PSMF1: variants seen among roughly 807,000 people sequenced by gnomAD.
The protein encoded by PSMF1 is proteasome inhibitor subunit 1.
A neutral mutation model predicts 29.3 loss-of-function variants in PSMF1; 30 were observed. The ratio of observed to expected loss-of-function variants is 1.02; its 90% CI spans 0.77 to 1.39. PSMF1 has a LOEUF of 1.39. Among genes scored for constraint, PSMF1 ranks in the 40% most tolerant of loss-of-function variants. The probability of loss-of-function intolerance (pLI) is 0.00; values close to 1 mark genes in which losing one functional copy is unlikely to be tolerated. For missense variants in PSMF1, 344 were observed against 357.5 expected, an observed-to-expected ratio of 0.96 and a Z score of 0.31; for synonymous variants, 134 against 139.7, an observed-to-expected ratio of 0.96 and a Z score of 0.29.
Position 1,164,629 on chromosome 20 carries a change from G to A in PSMF1, c.764+153G>A. 1.7e-6 allele frequency: 1 copy of A among 587,052 alleles called. No individual in the cohort carries two copies. Among genetic ancestry groups the A allele is most frequent in the East Asian group, 1.4e-4 (1 of 6,970 alleles). 36.4% of individuals were successfully genotyped at this position (587,052 alleles called of 1,614,324 possible). A position where few individuals can be genotyped will look rare whatever the true frequency, so the allele number is the denominator to read the frequency against. On this transcript the variant is annotated intron_variant, in intron 6 of 6. Transcript: ENST00000335877. The surrounding 1 kb of genome is among the most constrained non-coding windows in gnomAD (Gnocchi z 4.1). ...TGGAGCCTCCTCCAGGGCCCTGCCT[G>A]ATTTCTCCCTGGAGCCTTCTAGGAG...
intron 2 of PSMF1, chr20:1,126,053 A>G: frequency 2.3e-6 from 1 of 430,594 alleles, no homozygotes; most frequent in Non-Finnish European, 4.6e-6. Context: ...TGCCACTCAC[A>G]CAGCCCTTCA....
At chr20:1,137,928 G>C (rs1316158172) in intron 4 of PSMF1, among the ~76,000 whole-genome samples, 1 of 152,196 alleles carries the variant, frequency 6.6e-6, no homozygotes, top group African/African-American at 2.4e-5. Flanking sequence ...AAAAGAGTAA[G>C]GTGTTGGGGA....
rs1160695118 is a variant in PSMF1 at position 1,171,332 on chromosome 20, A to G, written c.*6252A>G. On this transcript the variant is annotated 3_prime_UTR_variant, in exon 7 of 7. Coordinates refer to ENST00000335877, the MANE Select transcript of PSMF1 (RefSeq NM_006814.5). ...CCATATGTGATGGGGAGCTCCTAAC[A>G]GGCTTCCCTGGGCCACAGGAATGGG... Among the ~76,000 whole-genome samples the G allele has an allele frequency of 6.6e-6, 1 of 152,122 alleles. No individual in the cohort carries two copies. Among genetic ancestry groups the G allele is most frequent in the Admixed American group, 6.5e-5 (1 of 15,268 alleles).
chr20:1,152,991 A>T (rs2086550760), intron 4 of PSMF1, among the ~76,000 whole-genome samples: 1 of 152,222 alleles, frequency 6.6e-6, no homozygotes, highest in African/African-American at 2.4e-5. Context: ...GTTTATAGAG[A>T]TTTTGATACA....
rs955113865 is a variant in PSMF1 at position 1,168,137 on chromosome 20, C to G, written c.*3057C>G. 25 of 152,222 alleles carry G rather than the reference C, an allele frequency of 1.6e-4. No individual in the cohort carries two copies. The highest frequency in any genetic ancestry group is 5.8e-4 in the African/African-American group (24 of 41,466). 9.4% of individuals were successfully genotyped at this position (152,222 alleles called of 1,614,324 possible). On this transcript the variant is annotated 3_prime_UTR_variant, in exon 7 of 7. Transcript: ENST00000335877. ...ACCAGAGTCAGTCCCCCTTGGGGAG[C>G]AATCTGTGGTTTTGATAATCACCAC...
chr20:1,146,919 C>T (rs1357953592), intron 4 of PSMF1, among the ~76,000 whole-genome samples: 1 of 152,130 alleles, frequency 6.6e-6, no homozygotes, highest in Non-Finnish European at 1.5e-5. Context: ...TCAGTGGATG[C>T]CCATTCAGGT....
rs1323471647 is a variant in PSMF1 at position 1,168,044 on chromosome 20, G to C, written c.*2964G>C. 6.6e-6 allele frequency: 1 copy of C among 152,244 alleles called. No individual in the cohort carries two copies. The highest frequency in any genetic ancestry group is 1.9e-4 in the East Asian group (1 of 5,206). 9.4% of individuals were successfully genotyped at this position (152,244 alleles called of 1,614,324 possible). Reference sequence around the variant, plus strand: ...TGGCCATCCTAGTTAGCGTGAAGTAGCATCTCATTGTGGTCTTCTCTTCCA... The same window carrying C: ...TGGCCATCCTAGTTAGCGTGAAGTACCATCTCATTGTGGTCTTCTCTTCCA... On this transcript the variant is annotated 3_prime_UTR_variant, in exon 7 of 7. Transcript: ENST00000335877.
chr20:1,166,199 C>A lies in PSMF1; in HGVS notation c.*1119C>A. 6.2e-7 allele frequency: 1 copy of A among 1,611,782 alleles called. No homozygotes were observed. The highest frequency in any genetic ancestry group is 8.5e-7 in the Non-Finnish European group (1 of 1,179,538). On this transcript the variant is annotated 3_prime_UTR_variant, in exon 7 of 7. Transcript: ENST00000335877. ...GCACCTTGTGTCCTGGCCCACCTGA[C>A]CTTTGGTGTTCTCCGGATCCTTTTC...
chr20:1,139,497 C>G (rs1049410878), intron 4 of PSMF1, among the ~76,000 whole-genome samples: 2 of 151,924 alleles, frequency 1.3e-5, no homozygotes, highest in South Asian at 2.1e-4. Context: ...AGGAATCCTC[C>G]GAAAAACAGA....
chr20:1,168,928 T>C lies in PSMF1; in HGVS notation c.*3848T>C, dbSNP rs2086762014. The stretch of plus-strand genomic sequence containing the variant: ...AAACTTGCATGTGTATAAACCACTA[T>C]TGACTTTTTGCACCAAAGGAGATAT... On this transcript the variant is annotated 3_prime_UTR_variant, in exon 7 of 7. Transcript: ENST00000335877. Among the ~76,000 whole-genome samples, 1 of 152,162 alleles carries C rather than the reference T, an allele frequency of 6.6e-6. No individual in the cohort carries two copies. Among genetic ancestry groups the C allele is most frequent in the East Asian group, 1.9e-4 (1 of 5,186 alleles).
intron 4 of PSMF1, among the ~76,000 whole-genome samples, chr20:1,158,660 A>G (rs1288043818): frequency 6.6e-6 from 1 of 152,240 alleles, no homozygotes; most frequent in Non-Finnish European, 1.5e-5. Context: ...CTTTTGCAGT[A>G]GCGACATACT....
intron 1 of PSMF1, among the ~76,000 whole-genome samples, chr20:1,120,727 G>A (rs1406747107): frequency 1.3e-5 from 2 of 152,210 alleles, no homozygotes; most frequent in South Asian, 2.1e-4. Context: ...TCCTCCATTG[G>A]CCCTCAGCTC....
At position 1,122,144 on chromosome 20, in the gene PSMF1, A is replaced by G. The variant is rs561268178; in HGVS notation, c.129+3242A>G. Among the ~76,000 whole-genome samples the G allele has an allele frequency of 2.0e-5, 3 of 152,260 alleles. No homozygotes were observed. In the South Asian group the frequency reaches 6.2e-4, roughly 32 times the overall value. On this transcript the variant is annotated intron_variant, in intron 1 of 6. Transcript: ENST00000335877. ...TATTCTCTTAGGGCCAGTCTTGTGG[A>G]CCTGGCTGGGAAAAACCTTCTCTAG...
chr20:1,132,698 A>G (rs575474386), intron 3 of PSMF1, among the ~76,000 whole-genome samples: 97 of 152,326 alleles, frequency 6.4e-4, no homozygotes, highest in African/African-American at 2.3e-3. Flanking sequence ...CATTCTTGCT[A>G]TGAACATGAT....
chr20:1,159,676 C>T lies in PSMF1; in HGVS notation c.552-3454C>T, dbSNP rs6108729. Reference sequence around the variant, plus strand: ...GATGCTTACTGCCCTCTGGCACCACCTGGTCTGCCTCTAGTTAGGCAGGAT... The same window carrying T: ...GATGCTTACTGCCCTCTGGCACCACTTGGTCTGCCTCTAGTTAGGCAGGAT... On this transcript the variant is annotated intron_variant, in intron 4 of 6. Transcript: ENST00000335877. 5.6e-3 allele frequency among the ~76,000 whole-genome samples: 849 copies of T among 152,332 alleles called. 11 individuals are homozygous for T. The highest frequency in any genetic ancestry group is 0.019 in the African/African-American group (787 of 41,574).
In PSMF1 at chr20:1,170,812, A is replaced by G. The variant is rs1484427790; in HGVS notation, c.*5732A>G. On this transcript the variant is annotated 3_prime_UTR_variant, in exon 7 of 7. Coordinates refer to ENST00000335877, the MANE Select transcript of PSMF1 (RefSeq NM_006814.5). ...TAGATAAGGGTGGGACTCAAGGACAAGAGAGGAACCTTGGAATATCCCCCA... is the reference window on the plus strand; with the variant it reads ...TAGATAAGGGTGGGACTCAAGGACAGGAGAGGAACCTTGGAATATCCCCCA... Among the ~76,000 whole-genome samples the G allele has an allele frequency of 6.6e-6, 1 of 152,120 alleles. No homozygotes were observed. The highest frequency in any genetic ancestry group is 2.1e-4 in the South Asian group (1 of 4,814).
intron 3 of PSMF1, among the ~76,000 whole-genome samples, chr20:1,133,555 G>GTATATA (rs1311800612): frequency 3.7e-5 from 2 of 53,988 alleles, no homozygotes; most frequent in Admixed American, 2.0e-4. Flanking sequence ...CTATATATGT[G>GTATATA]TATATATATA....
At chr20:1,114,055 C>T (rs6032877), upstream of PSMF1, among the ~76,000 whole-genome samples, 15,961 of 152,208 alleles carry the variant, frequency 0.1, 956 homozygotes, top group African/African-American at 0.13. Context: ...CAGAGCAGAT[C>T]GCACTACAAC....
chr20:1,143,109 A>G (rs945041757), intron 4 of PSMF1, among the ~76,000 whole-genome samples: 3 of 152,240 alleles, frequency 2.0e-5, no homozygotes, highest in Non-Finnish European at 4.4e-5. Flanking sequence ...TGCAATTCCT[A>G]TCAAAAATCC....
Sources: allele counts gnomAD v4.1 joint callset (sites outside exome capture counted in the v4.1 genomes callset), GRCh38; gene constraint gnomAD v4.1.1; non-coding constraint Gnocchi (gnomAD v3.1); transcripts MANE v1.5; gene names NCBI Gene and HGNC (gene_info 2026-07-23, HGNC 2026-07-21).